The following ANP32B variants were observed in gnomAD, a reference collection of about 807,000 sequenced individuals.
ANP32B encodes the protein acidic leucine-rich nuclear phosphoprotein 32 family member B.
A neutral mutation model predicts 32.2 loss-of-function variants in ANP32B; 6 were observed. The observed-to-expected ratio is 0.19, with a 90% CI of 0.10 to 0.37. The LOEUF (loss-of-function observed/expected upper bound fraction) is 0.37. ANP32B is among the 10% of genes least tolerant of loss of function. The probability of loss-of-function intolerance (pLI) is 1.00; values close to 1 mark genes in which losing one functional copy is unlikely to be tolerated. For missense variants in ANP32B, 204 were observed against 289.2 expected (o/e 0.71, Z 2.14); for synonymous variants, 98 against 105.8 (o/e 0.93, Z 0.45).
intron 3 of ANP32B, 78 bp from the exon 4 acceptor site, chr9:98,004,886 T>G: frequency 1.7e-6 from 2 of 1,194,444 alleles, no homozygotes; most frequent in Non-Finnish European, 2.4e-6. Context: ...GAGCCTAGAA[T>G]TTTACCTCTT....
In ANP32B at chr9:97,991,376, A is replaced by G. The variant is rs992987440; in HGVS notation, c.55-3255A>G. Among the ~76,000 whole-genome samples, 7 of 151,978 alleles carry G rather than the reference A, an allele frequency of 4.6e-5. No homozygotes were observed. In the East Asian group the frequency reaches 1.3e-3, roughly 29 times the overall value. ...GTGGTCCTCCCACTTCTGCCTCCCA[A>G]AATACTGGGATTGTAGGCACTAGCC... On this transcript the variant is annotated intron_variant, in intron 1 of 6. Coordinates refer to ENST00000339399, the MANE Select transcript of ANP32B (RefSeq NM_006401.3).
intron 1 of ANP32B, among the ~76,000 whole-genome samples, chr9:97,988,088 T>C (rs1049970905): frequency 8.5e-4 from 129 of 151,998 alleles, no homozygotes; most frequent in African/African-American, 3.0e-3. Context: ...AAATTTTTTC[T>C]AAACTTGGTT....
At chr9:97,993,583 G>A (rs1827861935) in intron 1 of ANP32B, among the ~76,000 whole-genome samples, 1 of 152,184 alleles carries the variant, frequency 6.6e-6, no homozygotes, top group Admixed American at 6.6e-5. Context: ...GATTATTGTG[G>A]TGGATCTGCA....
intron 1 of ANP32B, among the ~76,000 whole-genome samples, chr9:97,993,446 G>T (rs1044474469): frequency 1.3e-5 from 2 of 152,226 alleles, no homozygotes; most frequent in Non-Finnish European, 2.9e-5. Context: ...ATTAAATATG[G>T]TAGGTTCACT....
At chr9:98,010,274 T>G (rs1347810696) in intron 4 of ANP32B, among the ~76,000 whole-genome samples, 2 of 149,752 alleles carry the variant, frequency 1.3e-5, no homozygotes, top group Non-Finnish European at 3.0e-5. Context: ...TTTTTTTTTT[T>G]TGTTTTTTTT....
chr9:98,008,742 T>G (rs1413212929), intron 4 of ANP32B, among the ~76,000 whole-genome samples: 1 of 152,202 alleles, frequency 6.6e-6, no homozygotes, highest in Non-Finnish European at 1.5e-5. Flanking sequence ...TGGGACTGTC[T>G]AGTTGCAGGG....
chr9:98,011,480 C>T (rs1225186943), intron 5 of ANP32B, 91 bp downstream of exon 5: 10 of 1,492,102 alleles, frequency 6.7e-6, no homozygotes, highest in Non-Finnish European at 8.1e-6. Context: ...AGAAAAAACA[C>T]CTTTTGAAGA....
At chr9:98,012,085 T>C (rs1828194950) in intron 5 of ANP32B, among the ~76,000 whole-genome samples, 1 of 152,230 alleles carries the variant, frequency 6.6e-6, no homozygotes, top group Non-Finnish European at 1.5e-5. Flanking sequence ...AGAAGCTTTG[T>C]ATATGAATGG....
intron 6 of ANP32B, 70 bp downstream of exon 6, chr9:98,012,542 A>G (rs376410984): frequency 2.6e-4 from 406 of 1,587,784 alleles, no homozygotes; most frequent in Admixed American, 5.3e-4. Context: ...TATTTAGAAT[A>G]TGATACCACT....
In ANP32B at chr9:97,992,101, T is replaced by C. The variant is rs187872589; in HGVS notation, c.55-2530T>C. On this transcript the variant is annotated intron_variant, in intron 1 of 6. Transcript: ENST00000339399. ...TCTAGCGGTGACTTTTTTTTTCTTT[T>C]TCTTTTTGAGATGGAGTCTCCTTTT... Among the ~76,000 whole-genome samples, 320 of 152,312 alleles carry C rather than the reference T, an allele frequency of 2.1e-3. 2 individuals carry two copies. Among genetic ancestry groups the C allele is most frequent in the African/African-American group, 7.7e-3 (318 of 41,546 alleles).
intron 3 of ANP32B, among the ~76,000 whole-genome samples, chr9:97,999,263 C>G (rs897977211): frequency 1.3e-5 from 2 of 152,168 alleles, no homozygotes; most frequent in African/African-American, 4.8e-5. Context: ...TTTGGATCCA[C>G]TTTTGAAATT....
chr9:97,986,450 G>A (rs1041056013), intron 1 of ANP32B: 3 of 152,194 alleles, frequency 2.0e-5, no homozygotes, highest in African/African-American at 7.2e-5. Flanking sequence ...TGAGACCAGT[G>A]GGAGTTAGGT....
At chr9:98,007,826 G>T (rs1277321961) in intron 4 of ANP32B, among the ~76,000 whole-genome samples, 1 of 152,180 alleles carries the variant, frequency 6.6e-6, no homozygotes, top group Non-Finnish European at 1.5e-5. Context: ...CTTAACCCAT[G>T]TCTGTTCACG....
intron 2 of ANP32B, among the ~76,000 whole-genome samples, chr9:97,996,634 CCCAGGTTGGAGTGCAGTGGTG>C (rs1827910796): frequency 6.6e-6 from 1 of 152,048 alleles, no homozygotes; most frequent in Non-Finnish European, 1.5e-5. Context: ...ACTCTTGTTG[CCCAGGTTGGAGTGCAGTGGTG>C]CCATCTCGGC....
intron 6 of ANP32B, among the ~76,000 whole-genome samples, chr9:98,012,802 C>T (rs1030013742): frequency 2.0e-5 from 3 of 152,206 alleles, no homozygotes; most frequent in African/African-American, 7.2e-5. Context: ...ACGATCTCGG[C>T]TCACTGCAAG....
At chr9:97,992,850 G>T (rs376979516) in intron 1 of ANP32B, among the ~76,000 whole-genome samples, 1 of 152,064 alleles carries the variant, frequency 6.6e-6, no homozygotes, top group East Asian at 1.9e-4. Context: ...TTACTTTCTG[G>T]GCATTTATAA....
At chr9:98,000,844 C>G (rs1219126355) in intron 3 of ANP32B, among the ~76,000 whole-genome samples, 1 of 151,336 alleles carries the variant, frequency 6.6e-6, no homozygotes, top group African/African-American at 2.4e-5. Context: ...ATCACTTGAA[C>G]CCAGGAGGCG....
Position 98,014,010 on chromosome 9 carries a change from TAAA to T in ANP32B, c.689-1351_689-1349del, listed in dbSNP as rs368622430. ...TGACAGAGGGAGACCTTGTCTCAAA[TAAA>T]AAGTCTCATGGTTGTGTCTCAGAAA... On this transcript the variant is annotated intron_variant, in intron 6 of 6. Transcript: ENST00000339399. Among the ~76,000 whole-genome samples the T allele has an allele frequency of 4.0e-3, 606 of 151,440 alleles. 3 individuals carry two copies. Among genetic ancestry groups the T allele is most frequent in the African/African-American group, 0.014 (558 of 41,260 alleles).
chr9:98,011,352 T>C lies in ANP32B; in HGVS notation c.599T>C (p.Val200Ala). Residue 200 changes from valine to alanine, a missense_variant, in exon 5 of 7, where the codon GTA (valine) becomes GCA (alanine). Val to Ala is a moderately conservative substitution (Grantham distance 64). Coordinates refer to ENST00000339399, the MANE Select transcript of ANP32B (RefSeq NM_006401.3). ...FDEEDDEDED[V>A]EGDEDDDEVS... is the part of the protein sequence containing the mutation. ...GAAGAAGATGATGAAGATGAAGATG[T>C]AGAAGGGGATGAGGACGACGATGAA... 1 of 1,483,960 alleles carries C rather than the reference T, an allele frequency of 6.7e-7. No individual in the cohort carries two copies. Among genetic ancestry groups the C allele is most frequent in the Non-Finnish European group, 9.3e-7 (1 of 1,078,432 alleles). The allele number at this position is 1,483,960 out of a possible 1,614,324, so 91.9% of individuals were successfully genotyped here.
Sources: gnomAD v4.1 joint callset for allele counts (sites outside exome capture counted in the v4.1 genomes callset) on GRCh38, gnomAD v4.1.1 for gene constraint, MANE v1.5 for transcripts, NCBI Gene and HGNC (gene_info 2026-07-23, HGNC 2026-07-21) for gene names.